Variants in B4GALT1 observed in about 807,000 individuals in gnomAD.
B4GALT1 encodes N-acetyllactosamine synthase.
Under a neutral mutation model 34.9 loss-of-function variants are expected in B4GALT1, and 16 were observed. That is an observed-to-expected ratio of 0.46 (90% CI 0.31 to 0.70). B4GALT1 has a LOEUF of 0.70. B4GALT1 is among the 30% of genes least tolerant of loss of function. The pLI, the probability that B4GALT1 is intolerant of heterozygous loss-of-function variation, is 0.05. For missense variants in B4GALT1, 445 were observed against 530.5 expected (o/e 0.84, Z 1.58); for synonymous variants, 221 against 218.1 (o/e 1.01, Z -0.12).
rs3841451 is a variant in B4GALT1 at position 33,111,563 on chromosome 9, GA to G, written c.*1890del. 4,979 of 152,730 alleles carry G rather than the reference GA, an allele frequency of 0.033. 153 individuals are homozygous for G. The highest frequency in any genetic ancestry group is 0.11 in the East Asian group (583 of 5,190). 9.5% of individuals were successfully genotyped at this position (152,730 alleles called of 1,614,324 possible). On this transcript the variant is annotated 3_prime_UTR_variant, in exon 6 of 6. Coordinates refer to ENST00000379731, the MANE Select transcript of B4GALT1 (RefSeq NM_001497.4). ...TTTTTAACCAATACAAAGGCTTCTG[GA>G]AAAAGAACCAAGTTAGCATCTGAGA... is the stretch of plus-strand genomic sequence containing the variant.
At chr9:33,153,048 A>T (rs1840546005) in intron 1 of B4GALT1, among the ~76,000 whole-genome samples, 1 of 152,216 alleles carries the variant, frequency 6.6e-6, no homozygotes, top group African/African-American at 2.4e-5. Context: ...AGAAAGGATG[A>T]AAAAAGAAAG....
chr9:33,167,287 G>C lies in B4GALT1; in HGVS notation c.-118C>G. On this transcript the variant is annotated 5_prime_UTR_variant, in exon 1 of 6. Coordinates refer to ENST00000379731, the MANE Select transcript of B4GALT1 (RefSeq NM_001497.4). Reference sequence around the variant, plus strand: ...CTAGGGGAGGGCCCGGAGCGGGGGCGGGCGAGCGGCTGAGAGCTGAGACTC... The same window carrying C: ...CTAGGGGAGGGCCCGGAGCGGGGGCCGGCGAGCGGCTGAGAGCTGAGACTC... The C allele has an allele frequency of 1.5e-6, 2 of 1,321,448 alleles. No homozygotes were observed. The highest frequency in any genetic ancestry group is 1.6e-5 in the South Asian group (1 of 60,640). 81.9% of individuals were successfully genotyped at this position (1,321,448 alleles called of 1,614,324 possible).
chr9:33,118,574 G>C (rs1839974486), intron 3 of B4GALT1, among the ~76,000 whole-genome samples: 1 of 151,972 alleles, frequency 6.6e-6, no homozygotes, highest in Non-Finnish European at 1.5e-5. Flanking sequence ...GAAAGCCGAG[G>C]TGAGAGGATC....
chr9:33,114,542 G>C (rs1010406758), intron 4 of B4GALT1, among the ~76,000 whole-genome samples: 6 of 13,084 alleles, frequency 4.6e-4, no homozygotes, highest in Non-Finnish European at 3.4e-3. Context: ...TTTAGCCATG[G>C]GGAAGTCTCT....
exon 3 of B4GALT1, chr9:33,104,284 C>A: frequency 6.5e-6 from 1 of 154,718 alleles, no homozygotes; most frequent in Non-Finnish European, 1.4e-5. Flanking sequence ...CCATTTTCAC[C>A]CCCAGGGATA....
intron 3 of B4GALT1, among the ~76,000 whole-genome samples, chr9:33,118,973 T>C (rs1215205006): frequency 6.6e-6 from 1 of 152,156 alleles, no homozygotes; most frequent in Non-Finnish European, 1.5e-5. Context: ...GCAATTCTCC[T>C]GCCTCAGCTT....
At chr9:33,126,665 A>AGTTAACCATT (rs1405751053) in intron 2 of B4GALT1, among the ~76,000 whole-genome samples, 2 of 31,096 alleles carry the variant, frequency 6.4e-5, no homozygotes, top group Admixed American at 4.7e-4. Flanking sequence ...CCATAGCAAT[A>AGTTAACCATT]TGGTAGCTCA....
exon 3 of B4GALT1, chr9:33,104,557 G>A (rs1324826681): frequency 3.2e-5 from 11 of 342,852 alleles, no homozygotes; most frequent in South Asian, 1.1e-4. Flanking sequence ...ACAGGTAGCC[G>A]CTGAAAAGCC....
intron 1 of B4GALT1, among the ~76,000 whole-genome samples, chr9:33,148,480 G>A (rs1314882250): frequency 2.6e-5 from 4 of 152,164 alleles, no homozygotes; most frequent in African/African-American, 7.2e-5. Context: ...TAAAGGAAAC[G>A]TTTAAGGATT....
At chr9:33,182,577 C>G in the B4GALT1 span, among the ~76,000 whole-genome samples, 6 of 152,100 alleles carry the variant, frequency 3.9e-5, no homozygotes, top group Non-Finnish European at 8.8e-5. Context: ...TTTTTCCCCC[C>G]ATAAGCTGAT....
In B4GALT1 at chr9:33,111,350, A is replaced by G. The variant is rs16918997; in HGVS notation, c.*2104T>C. 3,739 of 150,164 alleles carry G rather than the reference A, an allele frequency of 0.025. 92 individuals carry two copies. Among genetic ancestry groups the G allele is most frequent in the East Asian group, 0.12 (573 of 4,890 alleles). 9.3% of individuals were successfully genotyped at this position (150,164 alleles called of 1,614,324 possible). A position where few individuals can be genotyped will look rare whatever the true frequency, so the allele number is the denominator to read the frequency against. Reference sequence around the variant, plus strand: ...AGTTACCACTCAGGGCATTTGTCTGATTTCTTTTAAGGCACTTTGGAAAAG... The same window carrying G: ...AGTTACCACTCAGGGCATTTGTCTGGTTTCTTTTAAGGCACTTTGGAAAAG... On this transcript the variant is annotated 3_prime_UTR_variant, in exon 6 of 6. Coordinates refer to ENST00000379731, the MANE Select transcript of B4GALT1 (RefSeq NM_001497.4).
chr9:33,149,339 GGC>G (rs1840476540), intron 1 of B4GALT1, among the ~76,000 whole-genome samples: 1 of 151,328 alleles, frequency 6.6e-6, no homozygotes, highest in Admixed American at 6.6e-5. Context: ...AGAGTGCAGT[GGC>G]GTGATTTCAG....
chr9:33,127,992 C>A (rs1006700581), intron 2 of B4GALT1, among the ~76,000 whole-genome samples: 1 of 152,206 alleles, frequency 6.6e-6, no homozygotes, highest in Non-Finnish European at 1.5e-5. Flanking sequence ...CCCTGACCAG[C>A]AGGGCCCTGG....
chr9:33,118,613 T>C (rs1022592294), intron 3 of B4GALT1, among the ~76,000 whole-genome samples: 16 of 151,860 alleles, frequency 1.1e-4, no homozygotes, highest in African/African-American at 3.6e-4. Context: ...AAGGCTATAG[T>C]GAGCCATGAT....
intron 3 of B4GALT1, 37 bp downstream of exon 3, chr9:33,120,382 A>C (rs1312691687): frequency 8.7e-6 from 14 of 1,608,072 alleles, no homozygotes; most frequent in Non-Finnish European, 9.4e-6. Context: ...CATGAGAGAG[A>C]CATGTTTACC....
intron 3 of B4GALT1, 70 bp from the exon 4 acceptor site, chr9:33,116,183 G>A: frequency 3.9e-6 from 6 of 1,557,282 alleles, no homozygotes; most frequent in Middle Eastern, 1.7e-4. Flanking sequence ...AATAAAGCTT[G>A]CTGAGAACAT....
chr9:33,158,695 TGGCCCTGG>T (rs1316584530), intron 1 of B4GALT1, among the ~76,000 whole-genome samples: 7 of 152,206 alleles, frequency 4.6e-5, no homozygotes, highest in Middle Eastern at 3.2e-3. Context: ...ATTCTGACTC[TGGCCCTGG>T]CCCAGACCAC....
At chr9:33,118,407 C>T (rs965263278) in intron 3 of B4GALT1, among the ~76,000 whole-genome samples, 3 of 152,096 alleles carry the variant, frequency 2.0e-5, no homozygotes, top group Non-Finnish European at 4.4e-5. Flanking sequence ...TGCCTGTCAT[C>T]CCAGCACTTT....
chr9:33,159,663 A>G (rs1352858890), intron 1 of B4GALT1, among the ~76,000 whole-genome samples: 4 of 152,228 alleles, frequency 2.6e-5, no homozygotes, highest in Admixed American at 1.3e-4. Flanking sequence ...CTAGAAACCT[A>G]AAGTTTCTCA....
Sources: gnomAD v4.1 joint callset for allele counts (sites outside exome capture counted in the v4.1 genomes callset) on GRCh38, gnomAD v4.1.1 for gene constraint, MANE v1.5 for transcripts, NCBI Gene and HGNC (gene_info 2026-07-23, HGNC 2026-07-21) for gene names.